The following TAFA2 variants were observed in gnomAD, a reference collection of about 807,000 sequenced individuals.
TAFA2 encodes the protein chemokine-like protein TAFA-2.
TAFA2 carries 7 observed loss-of-function variants against 18.8 expected under a neutral mutation model. The observed-to-expected ratio is 0.37, with a 90% confidence interval of 0.21 to 0.70. The LOEUF (loss-of-function observed/expected upper bound fraction) is 0.70, where lower values mean the gene tolerates loss of function less well. TAFA2 is among the 30% of genes least tolerant of loss of function. The probability of loss-of-function intolerance (pLI) is 0.53; values close to 1 mark genes in which losing one functional copy is unlikely to be tolerated. For missense variants in TAFA2, 122 were observed against 158.1 expected, an observed-to-expected ratio of 0.77 and a Z score of 1.23; for synonymous variants, 60 against 54.2, an observed-to-expected ratio of 1.11 and a Z score of -0.47.
chr12:62,244,303 T>C (rs2062875283), intron 1 of TAFA2, among the ~76,000 whole-genome samples: 2 of 149,918 alleles, frequency 1.3e-5, no homozygotes, highest in Admixed American at 1.3e-4. Flanking sequence ...GATATATAAA[T>C]CATGCCACAT....
At chr12:61,912,091 GAAC>G (rs1326819293) in intron 1 of TAFA2, among the ~76,000 whole-genome samples, 1 of 152,162 alleles carries the variant, frequency 6.6e-6, no homozygotes, top group Non-Finnish European at 1.5e-5. Flanking sequence ...TTAAACTTCA[GAAC>G]AACTCTGTAG....
chr12:61,853,130 A>C (rs563226848), intron 2 of TAFA2, among the ~76,000 whole-genome samples: 3 of 152,322 alleles, frequency 2.0e-5, no homozygotes, highest in Admixed American at 6.5e-5. Flanking sequence ...TAATGTATAC[A>C]TATATCAAAA....
chr12:62,223,874 G>T (rs1038467721), intron 1 of TAFA2, among the ~76,000 whole-genome samples: 11 of 152,050 alleles, frequency 7.2e-5, no homozygotes, highest in Non-Finnish European at 2.9e-5. Context: ...TTAGTATACT[G>T]GGTACTCAAA....
At chr12:61,897,522 C>A (rs1456362477) in intron 1 of TAFA2, among the ~76,000 whole-genome samples, 1 of 152,116 alleles carries the variant, frequency 6.6e-6, no homozygotes, top group African/African-American at 2.4e-5. Flanking sequence ...GCAGGCATGT[C>A]TTACATGGCA....
At position 62,037,618 on chromosome 12, in the gene TAFA2, G is replaced by A. The variant is rs962586596; in HGVS notation, c.-2+153641C>T. Among the ~76,000 whole-genome samples, 5 of 152,210 alleles carry A rather than the reference G, an allele frequency of 3.3e-5. No homozygotes were observed. In the South Asian group the frequency reaches 1.0e-3, roughly 32 times the overall value. On this transcript the variant is annotated intron_variant, in intron 1 of 4. Coordinates refer to ENST00000416284, the MANE Select transcript of TAFA2 (RefSeq NM_178539.5). ...GCCCACGACCCACTACAGACTTATG[G>A]AATAAAACTCATCGGAGATAGGGGC...
intron 1 of TAFA2, among the ~76,000 whole-genome samples, chr12:62,113,454 C>T (rs998443766): frequency 1.3e-5 from 2 of 152,150 alleles, no homozygotes; most frequent in Non-Finnish European, 2.9e-5. Flanking sequence ...AGTCAGGAGG[C>T]ACAGGAGGCA....
At chr12:61,864,538 C>T (rs1393087302) in intron 2 of TAFA2, among the ~76,000 whole-genome samples, 2 of 151,206 alleles carry the variant, frequency 1.3e-5, no homozygotes, top group Non-Finnish European at 3.0e-5. Context: ...CTTTGGGAGG[C>T]CGAGGCGGGC....
chr12:61,968,252 A>G (rs1285041931), intron 1 of TAFA2, among the ~76,000 whole-genome samples: 1 of 151,704 alleles, frequency 6.6e-6, no homozygotes, highest in Non-Finnish European at 1.5e-5. Flanking sequence ...TTTTACCTAC[A>G]TAGCGTATCT....
rs539675804 is a variant in TAFA2, at chr12:61,920,044, C to T, written c.-1-52618G>A. Among the ~76,000 whole-genome samples, 4 of 152,180 alleles carry T rather than the reference C, an allele frequency of 2.6e-5. No individual in the cohort carries two copies. The South Asian group carries it at 8.3e-4, about 32-fold the overall frequency. On this transcript the variant is annotated intron_variant, in intron 1 of 4. Coordinates refer to ENST00000416284, the MANE Select transcript of TAFA2 (RefSeq NM_178539.5). Reference sequence around the variant, plus strand: ...AAAAATAAAGTAATGACTCTAATGGCAATTTTTGAAGTACTTGAAACATCA... The same window carrying T: ...AAAAATAAAGTAATGACTCTAATGGTAATTTTTGAAGTACTTGAAACATCA...
chr12:62,088,988 C>A (rs918205226), intron 1 of TAFA2, among the ~76,000 whole-genome samples: 1 of 151,978 alleles, frequency 6.6e-6, no homozygotes. Context: ...TCTTATGATA[C>A]ATTATTGCTT....
chr12:61,920,850 G>T (rs1294695490), intron 1 of TAFA2, among the ~76,000 whole-genome samples: 3 of 151,138 alleles, frequency 2.0e-5, no homozygotes, highest in African/African-American at 7.3e-5. Flanking sequence ...AGATGCTCTG[G>T]GGAGAAAAAA....
chr12:61,729,320 G>C (rs1268299821), intron 4 of TAFA2, among the ~76,000 whole-genome samples: 2 of 151,788 alleles, frequency 1.3e-5, no homozygotes, highest in African/African-American at 2.4e-5. Context: ...TATCAAATAA[G>C]TTTTCTAAAG....
intron 2 of TAFA2, among the ~76,000 whole-genome samples, chr12:61,832,161 C>T (rs1819751233): frequency 6.6e-6 from 1 of 151,978 alleles, no homozygotes; most frequent in Non-Finnish European, 1.5e-5. Context: ...TCAGTGCTGC[C>T]CTTAGTAACT....
chr12:61,951,929 T>C (rs1325544720), intron 1 of TAFA2, among the ~76,000 whole-genome samples: 4 of 151,754 alleles, frequency 2.6e-5, no homozygotes, highest in African/African-American at 9.7e-5. Context: ...TAATATACAC[T>C]TGAGAAGAAA....
At chr12:62,257,093 A>G (rs1388979414) in intron 1 of TAFA2, among the ~76,000 whole-genome samples, 2 of 149,022 alleles carry the variant, frequency 1.3e-5, no homozygotes, top group African/African-American at 5.0e-5. Flanking sequence ...GTCATCAAAC[A>G]CTGTTCTTTT....
chr12:62,046,892 T>G (rs1881923650), intron 1 of TAFA2, among the ~76,000 whole-genome samples: 1 of 152,124 alleles, frequency 6.6e-6, no homozygotes, highest in South Asian at 2.1e-4. Flanking sequence ...CCTTTATTTT[T>G]TATTATTATT....
chr12:61,742,664 A>G (rs1868510021), intron 4 of TAFA2, among the ~76,000 whole-genome samples: 1 of 152,240 alleles, frequency 6.6e-6, no homozygotes, highest in South Asian at 2.1e-4. Context: ...TAATTTCCAG[A>G]TTTCTATCTT....
chr12:61,908,365 G>C (rs936368701), intron 1 of TAFA2, among the ~76,000 whole-genome samples: 2 of 151,988 alleles, frequency 1.3e-5, no homozygotes, highest in Admixed American at 1.3e-4. Context: ...GCACTCCCCG[G>C]CACACACTGT....
intron 4 of TAFA2, among the ~76,000 whole-genome samples, chr12:61,734,971 C>A (rs1221586796): frequency 1.3e-5 from 2 of 151,960 alleles, no homozygotes. Context: ...ATAATCAAGT[C>A]TTTCTTATGG....
Sources: gnomAD v4.1 joint callset for allele counts (sites outside exome capture counted in the v4.1 genomes callset) on GRCh38, gnomAD v4.1.1 for gene constraint, MANE v1.5 for transcripts, NCBI Gene and HGNC (gene_info 2026-07-23, HGNC 2026-07-21) for gene names.